Variants in TRAPPC9 observed in about 807,000 individuals in gnomAD.
TRAPPC9 encodes trafficking protein particle complex subunit 9.
In TRAPPC9, 83 loss-of-function variants were observed where a neutral mutation model predicts 124.0. The observed-to-expected ratio is 0.67, with a 90% CI of 0.56 to 0.80. The LOEUF (loss-of-function observed/expected upper bound fraction) is 0.80. TRAPPC9 is among the 30% of genes least tolerant of loss of function. The pLI is 0.00. For missense variants in TRAPPC9, 1,302 were observed against 1,508.3 expected (o/e 0.86, Z 2.27); for synonymous variants, 638 against 617.5 (o/e 1.03, Z -0.49).
At chr8:140,272,644 G>C (rs1387446185) in intron 15 of TRAPPC9, among the ~76,000 whole-genome samples, 1 of 152,106 alleles carries the variant, frequency 6.6e-6, no homozygotes, top group Admixed American at 6.5e-5. Flanking sequence ...CAAGCACGGA[G>C]CTGGCCTCTG....
rs56309438 is a variant in TRAPPC9, at chr8:140,196,176, ACACT to A, written c.2556+25279_2556+25282del. ...CAGATCACACCTGTGACACTAAAAC[ACACT>A]CAACGATCCACCATACAGATCACAC... is the stretch of plus-strand genomic sequence containing the variant. On this transcript the variant is annotated intron_variant, in intron 17 of 22. Transcript: ENST00000438773. Among the ~76,000 whole-genome samples the A allele has an allele frequency of 1.7e-4, 23 of 134,332 alleles. 1 individual carries two copies. The highest frequency in any genetic ancestry group is 4.4e-4 in the African/African-American group (15 of 33,846). 88.1% of individuals were successfully genotyped at this position (134,332 alleles called of 152,430 possible). A position where few individuals can be genotyped will look rare whatever the true frequency, so the allele number is the denominator to read the frequency against.
chr8:140,398,845 A>G (rs1163979042), intron 6 of TRAPPC9, among the ~76,000 whole-genome samples: 1 of 152,222 alleles, frequency 6.6e-6, no homozygotes, highest in East Asian at 1.9e-4. Flanking sequence ...CCCCAAGACA[A>G]TGGGGAAAAT....
At chr8:140,286,312 C>A (rs896562923) in intron 13 of TRAPPC9, among the ~76,000 whole-genome samples, 2 of 152,200 alleles carry the variant, frequency 1.3e-5, no homozygotes, top group Non-Finnish European at 2.9e-5. Flanking sequence ...CAGAGCAACA[C>A]TTAAGGACTG....
rs563028482 is a variant in TRAPPC9 at position 139,977,837 on chromosome 8, C to G, written c.2810+10889G>C. ...CTGAGATTACAGGTGTGTGCCACCACGCCCGGCTAATTTTTGTATCTTTAG... is the reference window on the plus strand; with the variant it reads ...CTGAGATTACAGGTGTGTGCCACCAGGCCCGGCTAATTTTTGTATCTTTAG... On this transcript the variant is annotated intron_variant, in intron 19 of 22. Coordinates refer to ENST00000438773, the MANE Select transcript of TRAPPC9 (RefSeq NM_001160372.4). Among the ~76,000 whole-genome samples, 33 of 151,874 alleles carry G rather than the reference C, an allele frequency of 2.2e-4. 1 individual carries two copies. In the East Asian group the frequency reaches 4.8e-3, roughly 22 times the overall value.
intron 19 of TRAPPC9, chr8:139,931,753 C>T (rs1478537955): frequency 6.1e-6 from 1 of 163,654 alleles, no homozygotes; most frequent in East Asian, 1.8e-4. Flanking sequence ...AGGCTCTGAC[C>T]ATCATATCTC....
chr8:139,804,986 T>G (rs1452650989), intron 21 of TRAPPC9, among the ~76,000 whole-genome samples: 1 of 152,166 alleles, frequency 6.6e-6, no homozygotes, highest in African/African-American at 2.4e-5. Context: ...GTGGCAACAC[T>G]CACAGCATGT....
At chr8:139,923,421 C>T (rs1832626480) in intron 19 of TRAPPC9, among the ~76,000 whole-genome samples, 1 of 152,204 alleles carries the variant, frequency 6.6e-6, no homozygotes, top group Non-Finnish European at 1.5e-5. Context: ...GCTGCACGGG[C>T]CTCTGCGGCC....
intron 17 of TRAPPC9, among the ~76,000 whole-genome samples, chr8:140,145,640 T>C (rs2061451134): frequency 6.6e-6 from 1 of 152,326 alleles, no homozygotes; most frequent in East Asian, 1.9e-4. Context: ...GTTTCTGACA[T>C]AGTTTATTTT....
intron 21 of TRAPPC9, among the ~76,000 whole-genome samples, chr8:139,879,222 T>G (rs1587075930): frequency 1.3e-5 from 2 of 150,392 alleles, no homozygotes; most frequent in African/African-American, 4.9e-5. Context: ...TCATGGGGGG[T>G]GGGGCGCAGG....
chr8:139,834,604 G>A (rs758772994), intron 21 of TRAPPC9, among the ~76,000 whole-genome samples: 2 of 152,124 alleles, frequency 1.3e-5, no homozygotes, highest in African/African-American at 4.8e-5. Flanking sequence ...TAGTGGGGAC[G>A]TTGTCGCCCC....
intron 19 of TRAPPC9, among the ~76,000 whole-genome samples, chr8:139,938,165 T>C (rs1452558809): frequency 6.6e-6 from 1 of 152,240 alleles, no homozygotes; most frequent in Non-Finnish European, 1.5e-5. Flanking sequence ...TCTCCACCCA[T>C]GGCTTCCTGG....
At chr8:140,041,144 C>T (rs1841251892) in intron 17 of TRAPPC9, 1 of 152,216 alleles carries the variant, frequency 6.6e-6, no homozygotes, top group African/African-American at 2.4e-5. Flanking sequence ...CTCCCTGACC[C>T]AGCCCTACCC....
At chr8:140,021,177 T>G (rs1226683538) in intron 18 of TRAPPC9, among the ~76,000 whole-genome samples, 3 of 152,228 alleles carry the variant, frequency 2.0e-5, no homozygotes, top group African/African-American at 7.2e-5. Flanking sequence ...TTCCTTGTTC[T>G]TTTCTCCTTC....
At chr8:140,205,369 A>G (rs1275229359) in intron 17 of TRAPPC9, among the ~76,000 whole-genome samples, 2 of 152,272 alleles carry the variant, frequency 1.3e-5, no homozygotes, top group African/African-American at 4.8e-5. Context: ...ACAAGAACCC[A>G]AACTACAATA....
intron 9 of TRAPPC9, among the ~76,000 whole-genome samples, chr8:140,337,745 C>T (rs1261611342): frequency 6.6e-6 from 1 of 152,156 alleles, no homozygotes; most frequent in East Asian, 1.9e-4. Flanking sequence ...GCTGTGGGAA[C>T]AGAGGGAGGT....
chr8:139,849,220 C>T (rs566041515), intron 21 of TRAPPC9, among the ~76,000 whole-genome samples: 44 of 152,326 alleles, frequency 2.9e-4, no homozygotes, highest in South Asian at 1.0e-3. Context: ...GGGCCACAGC[C>T]AGAAACAGAG....
intron 17 of TRAPPC9, among the ~76,000 whole-genome samples, chr8:140,207,600 T>G (rs1468077986): frequency 1.3e-5 from 2 of 152,328 alleles, no homozygotes; most frequent in East Asian, 3.9e-4. Flanking sequence ...AGAGAATAGT[T>G]CGTGAGTCCC....
chr8:139,801,933 AG>A (rs1823564092), intron 21 of TRAPPC9, among the ~76,000 whole-genome samples: 1 of 152,206 alleles, frequency 6.6e-6, no homozygotes, highest in South Asian at 2.1e-4. Flanking sequence ...GGAGTCTCTG[AG>A]GCCTGTGGAC....
intron 21 of TRAPPC9, among the ~76,000 whole-genome samples, chr8:139,808,831 T>C (rs915689655): frequency 6.6e-6 from 1 of 152,272 alleles, no homozygotes; most frequent in Admixed American, 6.5e-5. Flanking sequence ...TTCCACTGTA[T>C]GGATATACCA....
Sources: allele counts gnomAD v4.1 joint callset (sites outside exome capture counted in the v4.1 genomes callset), GRCh38; gene constraint gnomAD v4.1.1; transcripts MANE v1.5; gene names NCBI Gene and HGNC (gene_info 2026-07-23, HGNC 2026-07-21).